The following TASP1 variants were observed in gnomAD, a reference collection of about 807,000 sequenced individuals.
The protein encoded by TASP1 is taspase 1.
TASP1 carries 16 observed loss-of-function variants against 56.6 expected under a neutral mutation model. The observed-to-expected ratio is 0.28, with a 90% CI of 0.19 to 0.43. The LOEUF (loss-of-function observed/expected upper bound fraction) is 0.43, where lower values mean the gene tolerates loss of function less well. Among genes scored for constraint, TASP1 ranks in the 20% least tolerant of loss-of-function variants. The probability of loss-of-function intolerance (pLI) is 1.00; values close to 1 mark genes in which losing one functional copy is unlikely to be tolerated. For missense variants in TASP1, 393 were observed against 511.6 expected (o/e 0.77, Z 2.24); for synonymous variants, 179 against 184.2 (o/e 0.97, Z 0.23).
At chr20:13,632,985 C>CA (rs946854260) in intron 1 of TASP1, among the ~76,000 whole-genome samples, 2 of 152,036 alleles carry the variant, frequency 1.3e-5, no homozygotes, top group African/African-American at 2.4e-5. Flanking sequence ...TGACAATTAT[C>CA]AAAAAATAAC....
chr20:13,543,448 A>T (rs998944302), intron 8 of TASP1, among the ~76,000 whole-genome samples: 14 of 152,284 alleles, frequency 9.2e-5, no homozygotes, highest in South Asian at 2.1e-4. Context: ...AAAATATTTT[A>T]AAAAATAGCC....
intron 10 of TASP1, among the ~76,000 whole-genome samples, chr20:13,520,177 C>A (rs543058321): frequency 1.3e-5 from 2 of 152,078 alleles, no homozygotes; most frequent in East Asian, 3.8e-4. Context: ...GAATCAATAT[C>A]GGGAAAATGG....
chr20:13,430,225 A>C (rs1037682120), intron 12 of TASP1, among the ~76,000 whole-genome samples: 3 of 152,224 alleles, frequency 2.0e-5, no homozygotes, highest in Non-Finnish European at 4.4e-5. Context: ...GGGCTTAAAA[A>C]GTTTATTAGT....
the TASP1 span, among the ~76,000 whole-genome samples, chr20:13,233,018 C>T: frequency 7.0e-6 from 1 of 143,020 alleles, no homozygotes; most frequent in African/African-American, 2.6e-5. Context: ...AAATTCGATG[C>T]TGGACCAAAA....
the TASP1 span, among the ~76,000 whole-genome samples, chr20:13,149,319 G>C: frequency 2.0e-5 from 3 of 152,192 alleles, no homozygotes; most frequent in African/African-American, 7.2e-5. Context: ...TAGCATGGCT[G>C]TCCCTGTACA....
At chr20:13,291,443 T>A in the TASP1 span, among the ~76,000 whole-genome samples, 5 of 152,222 alleles carry the variant, frequency 3.3e-5, no homozygotes. Flanking sequence ...CAAATAAGTT[T>A]GAGGTGCCTC....
At chr20:13,525,039 G>A (rs1193650599) in intron 10 of TASP1, among the ~76,000 whole-genome samples, 1 of 152,146 alleles carries the variant, frequency 6.6e-6, no homozygotes, top group Admixed American at 6.5e-5. Flanking sequence ...ATATTTTCCT[G>A]TAAAGCAACC....
chr20:13,499,791 G>A (rs992288809), intron 10 of TASP1, among the ~76,000 whole-genome samples: 1 of 152,076 alleles, frequency 6.6e-6, no homozygotes, highest in Non-Finnish European at 1.5e-5. Flanking sequence ...GGAATACTAT[G>A]CAGCCATAAA....
the TASP1 span, among the ~76,000 whole-genome samples, chr20:13,159,208 T>C: frequency 6.6e-6 from 1 of 152,210 alleles, no homozygotes; most frequent in African/African-American, 2.4e-5. Context: ...AATCATAGCT[T>C]ATGAAGGTTT....
chr20:13,548,163 T>C (rs1326808410), intron 8 of TASP1, among the ~76,000 whole-genome samples: 1 of 152,134 alleles, frequency 6.6e-6, no homozygotes, highest in African/African-American at 2.4e-5. Flanking sequence ...TTGGGGAGCC[T>C]ATACTTTATT....
At chr20:13,206,705 A>G in the TASP1 span, among the ~76,000 whole-genome samples, 4 of 152,090 alleles carry the variant, frequency 2.6e-5, no homozygotes, top group African/African-American at 4.8e-5. Flanking sequence ...GGAGAGAGAA[A>G]GAAAGGGAAA....
intron 8 of TASP1, among the ~76,000 whole-genome samples, chr20:13,547,264 G>A (rs2001178): frequency 0.6 from 91,944 of 152,014 alleles, 28,630 homozygotes; most frequent in Non-Finnish European, 0.68. Flanking sequence ...TTAAGTACCT[G>A]TCATCTGTGC....
chr20:13,622,121 C>G (rs1366805039), intron 4 of TASP1, among the ~76,000 whole-genome samples: 1 of 152,180 alleles, frequency 6.6e-6, no homozygotes, highest in African/African-American at 2.4e-5. Context: ...TCCAAAGCAC[C>G]TCATAACTGT....
At chr20:13,341,807 G>A in the TASP1 span, among the ~76,000 whole-genome samples, 9 of 152,304 alleles carry the variant, frequency 5.9e-5, no homozygotes, top group Non-Finnish European at 1.2e-4. Flanking sequence ...GTGATGAAAC[G>A]GAGGAACAGC....
At chr20:13,395,679 T>G (rs1016867369) in intron 13 of TASP1, among the ~76,000 whole-genome samples, 1 of 151,516 alleles carries the variant, frequency 6.6e-6, no homozygotes, top group African/African-American at 2.4e-5. Flanking sequence ...ATGATAATAG[T>G]CACCCTCAGC....
rs143028885 is a variant in TASP1, at chr20:13,527,161, G to A, written c.874+1272C>T. The stretch of plus-strand genomic sequence containing the variant: ...AGTAAGAATCTATGAAGAAGGCCAA[G>A]ATGGAACAGGTCAGAGAGGCAGACA... On this transcript the variant is annotated intron_variant, in intron 10 of 13. Transcript: ENST00000337743. Among the ~76,000 whole-genome samples the A allele has an allele frequency of 3.1e-4, 47 of 152,244 alleles. No individual in the cohort carries two copies. In the East Asian group the frequency reaches 8.5e-3, roughly 28 times the overall value.
intron 7 of TASP1, 23 bp downstream of exon 7, chr20:13,569,484 A>C (rs1244326955): frequency 6.3e-7 from 1 of 1,595,760 alleles, no homozygotes; most frequent in Non-Finnish European, 8.6e-7. Context: ...ATATAGCTTA[A>C]TTTTTTTTAA....
At chr20:13,484,240 A>C (rs2043242090) in intron 10 of TASP1, among the ~76,000 whole-genome samples, 1 of 152,238 alleles carries the variant, frequency 6.6e-6, no homozygotes, top group African/African-American at 2.4e-5. Context: ...ATTATGGAAG[A>C]TAGTCTGGTG....
the TASP1 span, chr20:13,221,781 T>G: frequency 1.4e-6 from 2 of 1,448,422 alleles, no homozygotes; most frequent in Non-Finnish European, 9.0e-7. Flanking sequence ...AAAAGGATGG[T>G]GCGCCTGGCG....
Sources: gnomAD v4.1 joint callset for allele counts (sites outside exome capture counted in the v4.1 genomes callset) on GRCh38, gnomAD v4.1.1 for gene constraint, MANE v1.5 for transcripts, NCBI Gene and HGNC (gene_info 2026-07-23, HGNC 2026-07-21) for gene names.